The following THSD4 variants were observed in gnomAD, a reference collection of about 807,000 sequenced individuals.
The protein encoded by THSD4 is thrombospondin type-1 domain-containing protein 4.
A neutral mutation model predicts 119.0 loss-of-function variants in THSD4; 69 were observed. That is an observed-to-expected ratio of 0.58 (90% CI 0.48 to 0.71). The LOEUF (loss-of-function observed/expected upper bound fraction) is 0.71, where lower values mean the gene tolerates loss of function less well. Ranked by LOEUF, THSD4 falls within the 30% of genes least tolerant of loss-of-function variation. The pLI, the probability that THSD4 is intolerant of heterozygous loss-of-function variation, is 0.00. For synonymous variants in THSD4, 524 were observed against 540.4 expected, an observed-to-expected ratio of 0.97 and a Z score of 0.42; for missense variants, 1,393 against 1,391.1, an observed-to-expected ratio of 1.00 and a Z score of -0.02.
intron 1 of THSD4, among the ~76,000 whole-genome samples, chr15:71,138,557 G>A (rs909230451): frequency 3.3e-5 from 5 of 152,068 alleles, no homozygotes; most frequent in African/African-American, 1.2e-4. Flanking sequence ...TGACTGCCCA[G>A]TAGACAGTCA....
chr15:71,479,832 G>A (rs1256551808), intron 7 of THSD4, among the ~76,000 whole-genome samples: 1 of 152,152 alleles, frequency 6.6e-6, no homozygotes, highest in African/African-American at 2.4e-5. Flanking sequence ...AAACTGCTAT[G>A]AGTTTTTTAA....
At chr15:71,512,145 A>G (rs1053674669) in intron 7 of THSD4, among the ~76,000 whole-genome samples, 2 of 152,172 alleles carry the variant, frequency 1.3e-5, no homozygotes, top group East Asian at 1.9e-4. Flanking sequence ...GGCAAATTCT[A>G]TGCCTAATGT....
At position 71,312,243 on chromosome 15, in the gene THSD4, G is replaced by A. The variant is rs572052524; in HGVS notation, c.1015+55528G>A. Among the ~76,000 whole-genome samples, 14 of 152,182 alleles carry A rather than the reference G, an allele frequency of 9.2e-5. No homozygotes were observed. In the Middle Eastern group the frequency reaches 0.01, roughly 111 times the overall value. On this transcript the variant is annotated intron_variant, in intron 6 of 17. Transcript: ENST00000261862. ...CTAGGGAGGCTGAGGCAGGAGAATC[G>A]CTGGAAACCGGGAGGCAGAGGTTGC...
chr15:71,146,174 G>A (rs2040658986), intron 2 of THSD4, among the ~76,000 whole-genome samples: 1 of 152,152 alleles, frequency 6.6e-6, no homozygotes. Flanking sequence ...ACCTTCAACA[G>A]TTTACTTTTA....
At chr15:71,547,423 A>G in intron 7 of THSD4, 1 of 1,550,408 alleles carries the variant, frequency 6.4e-7, no homozygotes, top group Non-Finnish European at 8.7e-7. Context: ...TTTGTCAGCT[A>G]CCTGATATTA....
intron 4 of THSD4, among the ~76,000 whole-genome samples, chr15:71,218,754 C>G (rs991241492): frequency 2.0e-5 from 3 of 152,192 alleles, no homozygotes; most frequent in Non-Finnish European, 4.4e-5. Context: ...GCTGTCCGCT[C>G]CACTCTCTGT....
chr15:71,723,147 G>A (rs1229579313), intron 8 of THSD4, among the ~76,000 whole-genome samples: 1 of 151,616 alleles, frequency 6.6e-6, no homozygotes, highest in African/African-American at 2.4e-5. Context: ...ACTCATAGAA[G>A]TATATCTCTC....
intron 14 of THSD4, 60 bp downstream of exon 14, chr15:71,748,654 A>G: frequency 1.3e-6 from 2 of 1,581,448 alleles, no homozygotes; most frequent in Non-Finnish European, 1.7e-6. Context: ...CTCCAAAACC[A>G]CACAAAGATG....
chr15:71,353,994 G>A (rs1009214416), intron 6 of THSD4, among the ~76,000 whole-genome samples: 1 of 152,200 alleles, frequency 6.6e-6, no homozygotes, highest in African/African-American at 2.4e-5. Flanking sequence ...AGAATTCCAG[G>A]GGCTGTCTGG....
intron 7 of THSD4, among the ~76,000 whole-genome samples, chr15:71,608,219 T>G: frequency 1.4e-5 from 1 of 70,206 alleles, no homozygotes; most frequent in African/African-American, 5.3e-5. Flanking sequence ...CAAAACTCTG[T>G]CTCAAAAAAA....
chr15:71,610,859 G>T lies in THSD4; in HGVS notation c.1153-49671G>T, dbSNP rs186967653. On this transcript the variant is annotated intron_variant, in intron 7 of 17. Coordinates refer to ENST00000261862, the MANE Select transcript of THSD4 (RefSeq NM_024817.3). The stretch of plus-strand genomic sequence containing the variant: ...AGGGGCAGTTATGTCATGGGATGGG[G>T]AGTCTAGAGAGGTGCCCCTAGGTGA... Among the ~76,000 whole-genome samples the T allele has an allele frequency of 1.7e-4, 26 of 152,288 alleles. No individual in the cohort carries two copies. In the East Asian group the frequency reaches 4.4e-3, roughly 26 times the overall value.
intron 9 of THSD4, chr15:71,729,803 G>C (rs2052938157): frequency 6.6e-6 from 1 of 152,178 alleles, no homozygotes; most frequent in South Asian, 2.1e-4. Context: ...AGGCACCAGA[G>C]AGGGAGGGAG....
At position 71,442,692 on chromosome 15, in the gene THSD4, A is replaced by G. The variant is rs1281260383; in HGVS notation, c.1152+30869A>G. On this transcript the variant is annotated intron_variant, in intron 7 of 17. Coordinates refer to ENST00000261862, the MANE Select transcript of THSD4 (RefSeq NM_024817.3). ...TATATATATATATATATATATATAT[A>G]TATATATATATGAAGGGAGGAGATG... 2.8e-4 allele frequency among the ~76,000 whole-genome samples: 33 copies of G among 116,826 alleles called. 2 individuals carry two copies. The highest frequency in any genetic ancestry group is 9.8e-4 in the African/African-American group (32 of 32,498). The allele number at this position is 116,826 out of a possible 152,430, so 76.6% of individuals were successfully genotyped here.
chr15:71,288,195 C>A (rs556748803), intron 6 of THSD4, among the ~76,000 whole-genome samples: 1 of 152,262 alleles, frequency 6.6e-6, no homozygotes, highest in South Asian at 2.1e-4. Flanking sequence ...ATGAACCAGT[C>A]CACAGTAAAC....
chr15:71,341,709 C>T, intron 6 of THSD4: 1 of 1,130,986 alleles, frequency 8.8e-7, no homozygotes, highest in South Asian at 1.2e-5. Context: ...GAATAGCGAA[C>T]CATTTTCACA....
intron 1 of THSD4, among the ~76,000 whole-genome samples, chr15:71,103,149 T>C (rs78655786): frequency 1.0e-5 from 1 of 96,482 alleles, no homozygotes; most frequent in Non-Finnish European, 2.1e-5. Context: ...AAAGAAGGCT[T>C]TTTTTTTTTT....
intron 4 of THSD4, among the ~76,000 whole-genome samples, chr15:71,219,787 T>A (rs1316073376): frequency 6.6e-6 from 1 of 152,172 alleles, no homozygotes; most frequent in Non-Finnish European, 1.5e-5. Context: ...CTGGGAGGAA[T>A]GAAGTGACTT....
chr15:71,142,741 T>C (rs2040617204), intron 2 of THSD4, among the ~76,000 whole-genome samples: 1 of 152,198 alleles, frequency 6.6e-6, no homozygotes, highest in Non-Finnish European at 1.5e-5. Context: ...TAGGATACTA[T>C]TTAAATAAAT....
chr15:71,546,362 AC>A (rs1264911722), intron 7 of THSD4, among the ~76,000 whole-genome samples: 27 of 152,188 alleles, frequency 1.8e-4, no homozygotes, highest in Admixed American at 1.8e-3. Context: ...TCCATTTTAA[AC>A]CATGGTCTCT....
Sources: gnomAD v4.1 joint callset for allele counts (sites outside exome capture counted in the v4.1 genomes callset) on GRCh38, gnomAD v4.1.1 for gene constraint, MANE v1.5 for transcripts, NCBI Gene and HGNC (gene_info 2026-07-23, HGNC 2026-07-21) for gene names.